Variants in TRIO observed in about 807,000 individuals in gnomAD.
TRIO encodes triple functional domain protein.
In TRIO, 58 loss-of-function variants were observed where a neutral mutation model predicts 351.9. That is an observed-to-expected ratio of 0.16 (90% confidence interval 0.13 to 0.21). The LOEUF is 0.21. TRIO is among the 10% of genes least tolerant of loss of function. The pLI is 1.00. For synonymous variants in TRIO, 1,758 were observed against 1,595.7 expected (o/e 1.10, Z -2.42); for missense variants, 3,201 against 4,027.8 (o/e 0.79, Z 5.56).
In TRIO at chr5:14,358,236, C is replaced by G. The variant is rs1487014323; in HGVS notation, c.2105C>G (p.Ser702Trp). 6.2e-7 allele frequency: 1 copy of G among 1,614,114 alleles called. No homozygotes were observed. Among genetic ancestry groups the G allele is most frequent in the Non-Finnish European group, 8.5e-7 (1 of 1,179,986 alleles). The change falls in exon 12 of 57, where the codon TCG becomes TGG. Residue 702 changes from serine (S) to tryptophan (W), a missense_variant. By Grantham distance (177) the Ser-to-Trp change is radical. Around this residue, in one of 19 missense-constraint regions of TRIO, gnomAD observed 363 missense variants for 553.5 expected, o/e 0.66. Transcript: ENST00000344204. ...KELLDDVYAE[S>W]VEAVQDLIKR... Reference sequence around the variant, plus strand: ...CTGCTGGACGACGTGTATGCCGAGTCGGTGGAGGCCGTGCAGGACCTCATC... The same window carrying G: ...CTGCTGGACGACGTGTATGCCGAGTGGGTGGAGGCCGTGCAGGACCTCATC...
At chr5:14,388,441 T>A (rs1165343984) in intron 23 of TRIO, among the ~76,000 whole-genome samples, 172 bp from the exon 24 acceptor site, 1 of 152,216 alleles carries the variant, frequency 6.6e-6, no homozygotes, top group Non-Finnish European at 1.5e-5. Flanking sequence ...AATCTTTTTT[T>A]CCCCTTTGAA....
chr5:14,458,401 C>T (rs572822713), intron 34 of TRIO, among the ~76,000 whole-genome samples: 84 of 152,312 alleles, frequency 5.5e-4, no homozygotes, highest in African/African-American at 1.8e-3. Flanking sequence ...GCCTAGGTTA[C>T]CTGTGCCCAC....
intron 34 of TRIO, among the ~76,000 whole-genome samples, chr5:14,429,305 C>T (rs1750903997): frequency 6.6e-6 from 1 of 152,158 alleles, no homozygotes; most frequent in Non-Finnish European, 1.5e-5. Context: ...GCCAGACAGA[C>T]CCGAGTGTGG....
rs1323602495 is a variant in TRIO at position 14,497,736 on chromosome 5, G to A, written c.8020-111G>A. ...TGTGGTCTGTTTTGATTGATGCCCA[G>A]GCAAGTCAGTTTCTGCAAATCTTTC... is the stretch of plus-strand genomic sequence containing the variant. On this transcript the variant is annotated intron_variant, in intron 50 of 56. Transcript: ENST00000344204. The surrounding 1 kb of genome is among the most constrained non-coding windows in gnomAD (Gnocchi z 4.4). 3.6e-6 allele frequency: 5 copies of A among 1,403,812 alleles called. No individual in the cohort carries two copies. Among genetic ancestry groups the A allele is most frequent in the Non-Finnish European group, 5.0e-6 (5 of 991,870 alleles). 87.0% of individuals were successfully genotyped at this position (1,403,812 alleles called of 1,614,324 possible).
chr5:14,409,818 G>C (rs1199806808), intron 33 of TRIO, among the ~76,000 whole-genome samples: 1 of 140,574 alleles, frequency 7.1e-6, no homozygotes, highest in Non-Finnish European at 1.5e-5. Flanking sequence ...CTGGGCGACA[G>C]AGCGAGACTC....
intron 1 of TRIO, among the ~76,000 whole-genome samples, chr5:14,220,622 GAAATC>G (rs887529677): frequency 2.0e-5 from 3 of 152,086 alleles, no homozygotes; most frequent in African/African-American, 7.3e-5. Context: ...CAAATGATAA[GAAATC>G]AAAACAGCCT....
chr5:14,461,347 G>A (rs757183193), intron 35 of TRIO, 36 bp downstream of exon 35: 9 of 1,475,878 alleles, frequency 6.1e-6, no homozygotes, highest in South Asian at 1.4e-5. Context: ...CCGGCGTGGC[G>A]GGGCCCGCTG....
chr5:14,381,723 G>A (rs1746125079), intron 21 of TRIO, among the ~76,000 whole-genome samples: 1 of 152,174 alleles, frequency 6.6e-6, no homozygotes, highest in Admixed American at 6.5e-5. Flanking sequence ...GCAGTTGTCT[G>A]TGTTTTATGG....
intron 1 of TRIO, among the ~76,000 whole-genome samples, chr5:14,182,666 G>C (rs566149027): frequency 6.6e-6 from 1 of 152,266 alleles, no homozygotes; most frequent in African/African-American, 2.4e-5. Context: ...CTTTTTCTCT[G>C]ATTAAATCTC....
intron 1 of TRIO, among the ~76,000 whole-genome samples, chr5:14,196,346 C>G (rs1333710716): frequency 1.4e-5 from 2 of 147,526 alleles, no homozygotes; most frequent in Non-Finnish European, 3.0e-5. Flanking sequence ...TCGCTTGAAT[C>G]CAGGAGGTGG....
At chr5:14,498,292 G>A (rs776113677) in intron 52 of TRIO, 41 bp downstream of exon 52, 3 of 1,600,974 alleles carry the variant, frequency 1.9e-6, no homozygotes, top group African/African-American at 1.3e-5. Flanking sequence ...CTGGCTGGGA[G>A]CACCATCTTG....
At chr5:14,173,060 A>G (rs1353657904) in intron 1 of TRIO, among the ~76,000 whole-genome samples, 1 of 152,180 alleles carries the variant, frequency 6.6e-6, no homozygotes. Flanking sequence ...TGCTTGTTTC[A>G]GGGGAAGTTG....
In TRIO at chr5:14,488,295, C is replaced by T. The variant is rs973993053; in HGVS notation, c.7632+35C>T. 9.9e-6 allele frequency: 15 copies of T among 1,521,680 alleles called. No individual in the cohort carries two copies. The African/African-American group carries it at 1.2e-4, about 13-fold the overall frequency. The allele number at this position is 1,521,680 out of a possible 1,614,324, so 94.3% of individuals were successfully genotyped here. ...TCGGGGGGCCCGCGCCCTCCCGCCCCCCTGCCTCTGTCCCGCCAGCTCTAA... is the reference window on the plus strand; with the variant it reads ...TCGGGGGGCCCGCGCCCTCCCGCCCTCCTGCCTCTGTCCCGCCAGCTCTAA... On this transcript the variant is annotated intron_variant, in intron 48 of 56. Transcript: ENST00000344204.
In TRIO at chr5:14,497,803, A is replaced by T. The variant is rs910507014; in HGVS notation, c.8020-44A>T. 3.1e-6 allele frequency: 5 copies of T among 1,613,028 alleles called. No homozygotes were observed. The highest frequency in any genetic ancestry group is 4.2e-6 in the Non-Finnish European group (5 of 1,179,058). Reference sequence around the variant, plus strand: ...CTGGAATGAAAGGAATACACCTTAAAGTAGCTCATTTCAGTTAATGCTTGT... The same window carrying T: ...CTGGAATGAAAGGAATACACCTTAATGTAGCTCATTTCAGTTAATGCTTGT... On this transcript the variant is annotated intron_variant, in intron 50 of 56. Transcript: ENST00000344204. This position sits in a 1 kb window ranked among gnomAD's most constrained non-coding sequence, Gnocchi z 4.4.
rs547707191 is a variant in TRIO at position 14,250,648 on chromosome 5, A to C, written c.158-20177A>C. 5.0e-3 allele frequency among the ~76,000 whole-genome samples: 758 copies of C among 152,174 alleles called. 5 individuals carry two copies. Among genetic ancestry groups the C allele is most frequent in the Non-Finnish European group, 7.4e-3 (505 of 68,004 alleles). ...GTTCTGAGAGCACCCGAGCCTGTACACTCGAGAGGGATGGAGAGGCTGTAC... is the reference window on the plus strand; with the variant it reads ...GTTCTGAGAGCACCCGAGCCTGTACCCTCGAGAGGGATGGAGAGGCTGTAC... On this transcript the variant is annotated intron_variant, in intron 1 of 56. Coordinates refer to ENST00000344204, the MANE Select transcript of TRIO (RefSeq NM_007118.4).
intron 1 of TRIO, among the ~76,000 whole-genome samples, chr5:14,162,038 C>A (rs1179073029): frequency 2.0e-5 from 3 of 152,072 alleles, no homozygotes; most frequent in Admixed American, 2.0e-4. Flanking sequence ...AATTTAGACG[C>A]ACAGCTAGGG....
intron 11 of TRIO, among the ~76,000 whole-genome samples, chr5:14,353,068 A>G (rs1743284221): frequency 6.6e-6 from 1 of 152,134 alleles, no homozygotes; most frequent in Admixed American, 6.5e-5. Flanking sequence ...GATGATGTTA[A>G]GTTTACTAGA....
At chr5:14,450,496 G>T (rs959837195) in intron 34 of TRIO, among the ~76,000 whole-genome samples, 31 of 152,030 alleles carry the variant, frequency 2.0e-4, no homozygotes, top group African/African-American at 6.3e-4. Flanking sequence ...AGCATGAGCC[G>T]TGGCAGTGCT....
intron 1 of TRIO, among the ~76,000 whole-genome samples, chr5:14,175,394 A>C (rs1377149847): frequency 2.6e-5 from 4 of 152,154 alleles, no homozygotes; most frequent in African/African-American, 4.8e-5. Context: ...GTCCCTTTCA[A>C]CAATTCCTAC....
Sources: allele counts gnomAD v4.1 joint callset (sites outside exome capture counted in the v4.1 genomes callset), GRCh38; gene constraint gnomAD v4.1.1; regional missense constraint gnomAD v4.1.1; non-coding constraint Gnocchi (gnomAD v3.1); transcripts MANE v1.5; gene names NCBI Gene and HGNC (gene_info 2026-07-23, HGNC 2026-07-21).